The following YAF2 variants were observed in gnomAD, a reference collection of about 807,000 sequenced individuals.
YAF2 encodes YY1-associated factor 2.
Under a neutral mutation model 20.1 loss-of-function variants are expected in YAF2, and 7 were observed. The observed-to-expected ratio is 0.35, with a 90% CI of 0.20 to 0.65. The LOEUF is 0.65. Among genes scored for constraint, YAF2 ranks in the 30% least tolerant of loss-of-function variants. YAF2 has a pLI of 0.69. For synonymous variants in YAF2, 74 were observed against 76.0 expected (o/e 0.97, Z 0.14); for missense variants, 151 against 219.2 (o/e 0.69, Z 1.96).
chr12:42,197,838 T>G (rs2066794203), intron 2 of YAF2, among the ~76,000 whole-genome samples: 1 of 152,190 alleles, frequency 6.6e-6, no homozygotes, highest in South Asian at 2.1e-4. Context: ...TAACTAGTAT[T>G]AGAAGTTATA....
intron 2 of YAF2, among the ~76,000 whole-genome samples, chr12:42,209,736 C>A (rs2067152147): frequency 6.6e-6 from 1 of 152,114 alleles, no homozygotes; most frequent in East Asian, 1.9e-4. Context: ...CACAAGAATT[C>A]AACATTTGGC....
chr12:42,203,742 T>G (rs2066963715), intron 2 of YAF2, among the ~76,000 whole-genome samples: 1 of 152,218 alleles, frequency 6.6e-6, no homozygotes, highest in Non-Finnish European at 1.5e-5. Flanking sequence ...TGTTCATAAG[T>G]AAGACTGAAT....
chr12:42,180,335 G>C (rs2066311317), intron 2 of YAF2, among the ~76,000 whole-genome samples: 1 of 152,204 alleles, frequency 6.6e-6, no homozygotes, highest in Non-Finnish European at 1.5e-5. Context: ...AGAACTGAGG[G>C]AAGCCTCTGG....
intron 1 of YAF2, 88 bp downstream of exon 1, chr12:42,238,067 C>A (rs1475680400): frequency 5.9e-6 from 7 of 1,195,888 alleles, no homozygotes; most frequent in Non-Finnish European, 6.4e-6. Flanking sequence ...CCCCGGTGCC[C>A]GGGCGGCTAG....
intron 2 of YAF2, among the ~76,000 whole-genome samples, chr12:42,185,371 CAACA>C (rs2066446381): frequency 1.3e-5 from 2 of 152,116 alleles, no homozygotes; most frequent in South Asian, 4.1e-4. Context: ...GTTTAAATGA[CAACA>C]AAGGATTTAG....
chr12:42,219,039 G>A (rs2067441413), intron 2 of YAF2, among the ~76,000 whole-genome samples: 1 of 152,070 alleles, frequency 6.6e-6, no homozygotes, highest in African/African-American at 2.4e-5. Context: ...GAATTTGAGT[G>A]GTAAAACAGG....
At chr12:42,176,793 C>T (rs1283296204) in intron 2 of YAF2, among the ~76,000 whole-genome samples, 15 of 152,002 alleles carry the variant, frequency 9.9e-5, no homozygotes, top group African/African-American at 3.4e-4. Flanking sequence ...GAAACCCCGT[C>T]ACCACTAAAA....
intron 2 of YAF2, chr12:42,234,433 T>C (rs2068081237): frequency 1.0e-6 from 1 of 982,390 alleles, no homozygotes; most frequent in Non-Finnish European, 1.2e-6. Context: ...GGGTAATGGG[T>C]ACACTGGAAT....
At chr12:42,223,455 G>A (rs1160367166) in intron 2 of YAF2, among the ~76,000 whole-genome samples, 2 of 152,106 alleles carry the variant, frequency 1.3e-5, no homozygotes, top group East Asian at 3.9e-4. Flanking sequence ...TTTCTTAGGG[G>A]AGAAAGTAAT....
At chr12:42,173,242 C>T (rs1565603696) in intron 2 of YAF2, among the ~76,000 whole-genome samples, 2 of 152,224 alleles carry the variant, frequency 1.3e-5, no homozygotes, top group East Asian at 1.9e-4. Flanking sequence ...TAGTCACAAA[C>T]GGGGCTCCAC....
chr12:42,184,379 G>A (rs1397715992), intron 2 of YAF2, among the ~76,000 whole-genome samples: 2 of 152,012 alleles, frequency 1.3e-5, no homozygotes, highest in African/African-American at 2.4e-5. Flanking sequence ...GTGCCATCTC[G>A]GCTCACTGCA....
chr12:42,204,793 A>T (rs569485876), intron 2 of YAF2, among the ~76,000 whole-genome samples: 3 of 152,360 alleles, frequency 2.0e-5, no homozygotes, highest in Admixed American at 2.0e-4. Context: ...CCTTAAACAC[A>T]TGCTAAGTGA....
At chr12:42,235,925 A>G in intron 2 of YAF2, 1 of 1,535,914 alleles carries the variant, frequency 6.5e-7, no homozygotes, top group South Asian at 1.2e-5. Context: ...CACCTACTCT[A>G]TTTCTCAGGG....
At chr12:42,201,802 C>T (rs533443345) in intron 2 of YAF2, among the ~76,000 whole-genome samples, 1 of 152,282 alleles carries the variant, frequency 6.6e-6, no homozygotes, top group Non-Finnish European at 1.5e-5. Flanking sequence ...GCACTCCTGA[C>T]CTCAAGTGAA....
chr12:42,235,742 A>T (rs1189311657), intron 2 of YAF2: 3 of 1,534,582 alleles, frequency 2.0e-6, no homozygotes, highest in Non-Finnish European at 2.6e-6. Context: ...TGGATCTACA[A>T]GAGCTTAGAT....
At chr12:42,199,897 A>T (rs558722911) in intron 2 of YAF2, among the ~76,000 whole-genome samples, 1 of 152,208 alleles carries the variant, frequency 6.6e-6, no homozygotes, top group Non-Finnish European at 1.5e-5. Context: ...TCTTTGGCAC[A>T]TAACAATTCA....
At chr12:42,185,460 G>C (rs1274740138) in intron 2 of YAF2, among the ~76,000 whole-genome samples, 2 of 152,232 alleles carry the variant, frequency 1.3e-5, no homozygotes, top group African/African-American at 2.4e-5. Flanking sequence ...AAGAAGTTTT[G>C]CTGTGAGTAA....
At chr12:42,173,841 T>C (rs986293509) in intron 2 of YAF2, among the ~76,000 whole-genome samples, 1 of 152,118 alleles carries the variant, frequency 6.6e-6, no homozygotes, top group Non-Finnish European at 1.5e-5. Flanking sequence ...ATCAAGGGGG[T>C]GACCTTAGTT....
chr12:42,237,185 TTTTC>T (rs1204086992), intron 2 of YAF2, among the ~76,000 whole-genome samples: 1 of 152,200 alleles, frequency 6.6e-6, no homozygotes, highest in Non-Finnish European at 1.5e-5. Flanking sequence ...AATCAGATAC[TTTTC>T]TTTCTTTAGG....
Sources: allele counts gnomAD v4.1 joint callset (sites outside exome capture counted in the v4.1 genomes callset), GRCh38; gene constraint gnomAD v4.1.1; transcripts MANE v1.5; gene names NCBI Gene and HGNC (gene_info 2026-07-23, HGNC 2026-07-21).